The following DCDC1 variants were observed in gnomAD, a reference collection of about 807,000 sequenced individuals.
DCDC1 encodes the protein doublecortin domain-containing protein 1.
A neutral mutation model predicts 178.3 loss-of-function variants in DCDC1; 200 were observed. The observed-to-expected ratio is 1.12, with a 90% CI of 1.00 to 1.26. DCDC1 has a LOEUF of 1.26. Ranked by LOEUF, DCDC1 falls within the 50% of genes most tolerant of loss-of-function variation. The probability of loss-of-function intolerance (pLI) is 0.00; values close to 1 mark genes in which losing one functional copy is unlikely to be tolerated. For missense variants in DCDC1, 1,983 were observed against 1,749.2 expected, an observed-to-expected ratio of 1.13 and a Z score of -2.38; for synonymous variants, 690 against 604.8, an observed-to-expected ratio of 1.14 and a Z score of -2.07.
chr11:31,180,734 C>T (rs1437471568), intron 9 of DCDC1, among the ~76,000 whole-genome samples: 2 of 152,142 alleles, frequency 1.3e-5, no homozygotes, highest in South Asian at 4.1e-4. Flanking sequence ...CAGGTGCCTA[C>T]GCCACCAGGA....
chr11:30,866,134 G>A (rs1225318331), intron 38 of DCDC1, among the ~76,000 whole-genome samples: 1 of 152,164 alleles, frequency 6.6e-6, no homozygotes, highest in Non-Finnish European at 1.5e-5. Flanking sequence ...GACACAGGAA[G>A]AATGTCACAT....
At chr11:31,327,319 C>T (rs1227180811) in intron 3 of DCDC1, among the ~76,000 whole-genome samples, 2 of 151,790 alleles carry the variant, frequency 1.3e-5, no homozygotes, top group African/African-American at 4.8e-5. Context: ...CAGGCATACA[C>T]CACCAAGCCC....
At chr11:30,884,661 CT>C (rs1943005908) in intron 36 of DCDC1, among the ~76,000 whole-genome samples, 1 of 151,770 alleles carries the variant, frequency 6.6e-6, no homozygotes, top group Non-Finnish European at 1.5e-5. Flanking sequence ...CAAAGATCAA[CT>C]AGAAATAACA....
intron 20 of DCDC1, among the ~76,000 whole-genome samples, chr11:31,005,019 T>A (rs1565174139): frequency 6.6e-6 from 1 of 152,196 alleles, no homozygotes; most frequent in Non-Finnish European, 1.5e-5. Flanking sequence ...TTATAATATA[T>A]ATTGTATTAG....
At chr11:31,347,352 T>C (rs560432445) in intron 1 of DCDC1, among the ~76,000 whole-genome samples, 2 of 152,252 alleles carry the variant, frequency 1.3e-5, no homozygotes, top group East Asian at 3.9e-4. Context: ...CTAAACCAGA[T>C]AGTGATGATC....
In DCDC1 at chr11:31,213,132, T is replaced by TCC. The variant is rs1972919959; in HGVS notation, c.1221+28317_1221+28318insGG. On this transcript the variant is annotated intron_variant, in intron 9 of 38. Transcript: ENST00000684477. ...CTCTCTCTCTCTCTCTCTCTCTCTC[T>TCC]CTCTCTCTCTCTCTCTCTCTCTCTC... is the stretch of plus-strand genomic sequence containing the variant. Among the ~76,000 whole-genome samples the TCC allele has an allele frequency of 2.2e-5, 3 of 138,522 alleles. No individual in the cohort carries two copies. The East Asian group carries it at 6.0e-4, about 28-fold the overall frequency. 90.9% of individuals were successfully genotyped at this position (138,522 alleles called of 152,430 possible).
At chr11:31,188,481 C>T (rs775909699) in intron 9 of DCDC1, among the ~76,000 whole-genome samples, 8 of 152,122 alleles carry the variant, frequency 5.3e-5, no homozygotes, top group South Asian at 2.1e-4. Context: ...ACAACAAGGG[C>T]GTACGTAAAC....
chr11:31,193,303 T>C (rs1474902935), intron 9 of DCDC1, among the ~76,000 whole-genome samples: 1 of 151,994 alleles, frequency 6.6e-6, no homozygotes, highest in Non-Finnish European at 1.5e-5. Context: ...ACAAGGACTG[T>C]CTCCCTCAAC....
chr11:31,274,170 G>C (rs144972003), intron 7 of DCDC1, among the ~76,000 whole-genome samples: 5 of 152,162 alleles, frequency 3.3e-5, no homozygotes, highest in African/African-American at 1.2e-4. Context: ...TCATTCACTG[G>C]GGTTTATCAA....
At chr11:30,918,826 T>C (rs1274562056) in intron 25 of DCDC1, among the ~76,000 whole-genome samples, 1 of 152,166 alleles carries the variant, frequency 6.6e-6, no homozygotes, top group Non-Finnish European at 1.5e-5. Flanking sequence ...CCCCACTCTC[T>C]GTGTTCCAAA....
chr11:31,122,573 T>C (rs1335606124), intron 11 of DCDC1, among the ~76,000 whole-genome samples: 1 of 152,132 alleles, frequency 6.6e-6, no homozygotes, highest in Non-Finnish European at 1.5e-5. Context: ...TATTGTAAAT[T>C]CTACATAGCC....
chr11:31,296,810 A>G (rs1261594099), intron 6 of DCDC1, among the ~76,000 whole-genome samples: 1 of 152,058 alleles, frequency 6.6e-6, no homozygotes, highest in Admixed American at 6.6e-5. Context: ...TTATAAAGCC[A>G]TAAGATCTGG....
intron 26 of DCDC1, 115 bp from the exon 27 acceptor site, chr11:30,915,826 T>TGG: frequency 1.0e-6 from 1 of 984,646 alleles, no homozygotes; most frequent in Non-Finnish European, 1.5e-6. Context: ...TGAAACACGT[T>TGG]AACTTGAAAT....
chr11:31,126,052 A>G (rs16921821), intron 11 of DCDC1, among the ~76,000 whole-genome samples: 3,134 of 152,284 alleles, frequency 0.021, 95 homozygotes, highest in African/African-American at 0.07. Context: ...ATTCTTCAGA[A>G]ATAAGCAGTG....
chr11:30,906,355 T>C (rs996044655), intron 30 of DCDC1, 185 bp downstream of exon 30: 2 of 609,678 alleles, frequency 3.3e-6, no homozygotes, highest in Admixed American at 3.0e-5. Flanking sequence ...GAACTATTAA[T>C]AGACAATGCA....
chr11:30,891,183 T>C lies in DCDC1; in HGVS notation c.5082+1635A>G, dbSNP rs568866941. On this transcript the variant is annotated intron_variant, in intron 36 of 38. Coordinates refer to ENST00000684477, the MANE Select transcript of DCDC1 (RefSeq NM_001387274.1). ...CAGACTCTACTGCTACTTACGACTATTGATGTTAAGCTGTCAATTATATAG... is the reference window on the plus strand; with the variant it reads ...CAGACTCTACTGCTACTTACGACTACTGATGTTAAGCTGTCAATTATATAG... Among the ~76,000 whole-genome samples, 11 of 152,312 alleles carry C rather than the reference T, an allele frequency of 7.2e-5. No homozygotes were observed. The South Asian group carries it at 2.3e-3, about 32-fold the overall frequency.
At chr11:31,077,800 C>T in intron 18 of DCDC1, 65 bp downstream of exon 18, 1 of 742,002 alleles carries the variant, frequency 1.3e-6, no homozygotes, top group South Asian at 1.4e-5. Context: ...ATAGATAGTA[C>T]CCTTTATAAG....
At chr11:31,098,858 A>G (rs933760765) in intron 15 of DCDC1, among the ~76,000 whole-genome samples, 17 of 152,220 alleles carry the variant, frequency 1.1e-4, no homozygotes, top group Non-Finnish European at 2.4e-4. Flanking sequence ...GCTTCTCTTT[A>G]CTAGCCAGTT....
chr11:31,011,420 A>T (rs1952159405), intron 20 of DCDC1, among the ~76,000 whole-genome samples: 1 of 152,228 alleles, frequency 6.6e-6, no homozygotes, highest in Non-Finnish European at 1.5e-5. Context: ...CTAGCCAATA[A>T]GAAAAAGACA....
Sources: allele counts gnomAD v4.1 joint callset (sites outside exome capture counted in the v4.1 genomes callset), GRCh38; gene constraint gnomAD v4.1.1; transcripts MANE v1.5; gene names NCBI Gene and HGNC (gene_info 2026-07-23, HGNC 2026-07-21).